The following ANKRD28 variants were observed in gnomAD, a reference collection of about 807,000 sequenced individuals.
ANKRD28 encodes the protein ankyrin repeat domain 28.
ANKRD28 carries 44 observed loss-of-function variants against 126.5 expected under a neutral mutation model. The observed-to-expected ratio is 0.35, with a 90% CI of 0.27 to 0.45. The LOEUF is 0.45. ANKRD28 is among the 20% of genes least tolerant of loss of function. ANKRD28 has a pLI of 1.00. For synonymous variants in ANKRD28, 442 were observed against 468.5 expected (o/e 0.94, Z 0.73); for missense variants, 1,110 against 1,316.6 (o/e 0.84, Z 2.43).
Position 15,721,139 on chromosome 3 carries a change from G to GA in ANKRD28, c.784-13dup, listed in dbSNP as rs749467646. On this transcript the variant is annotated splice_polypyrimidine_tract_variant and intron_variant, in intron 7 of 27. Coordinates refer to ENST00000683139, the MANE Select transcript of ANKRD28 (RefSeq NM_001349278.2). Reference sequence around the variant, plus strand: ...TTTGGTTCATTCATCTATTAGAAGGGAAAAAAATGCGAATGTTAAAGTAGT... The same window carrying GA: ...TTTGGTTCATTCATCTATTAGAAGGGAAAAAAAATGCGAATGTTAAAGTAGT... 7 of 1,591,106 alleles carry GA rather than the reference G, an allele frequency of 4.4e-6. No individual in the cohort carries two copies. Among genetic ancestry groups the GA allele is most frequent in the Non-Finnish European group, 6.0e-6 (7 of 1,169,476 alleles).
intron 1 of ANKRD28, among the ~76,000 whole-genome samples, chr3:15,821,491 GCTCA>G (rs2060940798): frequency 1.3e-5 from 2 of 152,140 alleles, no homozygotes; most frequent in South Asian, 2.1e-4. Flanking sequence ...CTTATATTCA[GCTCA>G]CTCAAAAAAG....
rs2068086190 is a variant in ANKRD28 at position 15,686,040 on chromosome 3, C to A, written c.2131G>T (p.Ala711Ser). The A allele has an allele frequency of 1.9e-6, 3 of 1,613,720 alleles. No homozygotes were observed. The highest frequency in any genetic ancestry group is 2.5e-6 in the Non-Finnish European group (3 of 1,179,796). Residue 711 changes from alanine (A) to serine (S), a missense_variant, in exon 20 of 28, where the codon GCC becomes TCC. Ala to Ser is a moderately conservative substitution (Grantham distance 99, BLOSUM62 1). Transcript: ENST00000683139. ...SLLNKGANVD[A>S]KDKWGRTALH... Reference sequence around the variant, plus strand: ...GCTGTCCTTCCCCACTTATCTTTGGCATCTACATTTGCTCCTTTGTTCAGC... The same window carrying A: ...GCTGTCCTTCCCCACTTATCTTTGGAATCTACATTTGCTCCTTTGTTCAGC...
chr3:15,720,418 A>C (rs2073588157), intron 8 of ANKRD28, among the ~76,000 whole-genome samples: 2 of 152,206 alleles, frequency 1.3e-5, no homozygotes, highest in Non-Finnish European at 2.9e-5. Flanking sequence ...GATGCTTTTT[A>C]AAATTAGATA....
At chr3:15,677,179 C>T (rs2067025608) in intron 25 of ANKRD28, 123 bp from the exon 26 acceptor site, 1 of 772,428 alleles carries the variant, frequency 1.3e-6, no homozygotes, top group Non-Finnish European at 2.1e-6. Flanking sequence ...CATGAATTTT[C>T]CTGGCTAATA....
chr3:15,784,678 T>C (rs2059692640), intron 2 of ANKRD28, among the ~76,000 whole-genome samples: 1 of 152,018 alleles, frequency 6.6e-6, no homozygotes, highest in African/African-American at 2.4e-5. Flanking sequence ...ACTCTGAATG[T>C]CAATGGTCTA....
intron 8 of ANKRD28, among the ~76,000 whole-genome samples, chr3:15,719,258 G>A (rs2073428489): frequency 6.6e-6 from 1 of 152,086 alleles, no homozygotes; most frequent in African/African-American, 2.4e-5. Flanking sequence ...TTGACCCGTG[G>A]CATCATTAAA....
Position 15,838,691 on chromosome 3 carries a change from T to C in ANKRD28, c.27+20686A>G, listed in dbSNP as rs1456677380. 6.6e-6 allele frequency among the ~76,000 whole-genome samples: 1 copy of C among 150,678 alleles called. No individual in the cohort carries two copies. Among genetic ancestry groups the C allele is most frequent in the Non-Finnish European group, 1.5e-5 (1 of 67,908 alleles). On this transcript the variant is annotated intron_variant, in intron 1 of 27. Coordinates refer to the ANKRD28 transcript ENST00000399451. The surrounding 1 kb of genome is among the most constrained non-coding windows in gnomAD (Gnocchi z 4.0). ...TGAACCCAGGAGGTAGAGGTTGCAG[T>C]GAGCCGGGACCACGCCACTGCACTC...
chr3:15,785,400 C>T (rs1295110122), intron 2 of ANKRD28, among the ~76,000 whole-genome samples: 1 of 151,872 alleles, frequency 6.6e-6, no homozygotes, highest in Non-Finnish European at 1.5e-5. Flanking sequence ...AAAAACGGAC[C>T]AAGGACTTTA....
intron 14 of ANKRD28, among the ~76,000 whole-genome samples, chr3:15,704,381 C>T (rs1013168736): frequency 6.6e-6 from 1 of 152,060 alleles, no homozygotes; most frequent in African/African-American, 2.4e-5. Flanking sequence ...ATTATAATTA[C>T]TGTATGTTGG....
In ANKRD28 at chr3:15,670,447, T is replaced by C. The variant is rs1363374975; in HGVS notation, c.3075A>G (p.Leu1025=). ...PVSSSSPLSS[L]TFNAINRYTN... ...TATAACGGTTAATGGCATTGAATGT[T>C]AAGGATGATAAAGGACTACTTGATG... Residue 1025 remains leucine, a synonymous_variant, in exon 28 of 28, where the codon TTA becomes TTG. Transcript: ENST00000683139. 1 of 1,614,000 alleles carries C rather than the reference T, an allele frequency of 6.2e-7. No individual in the cohort carries two copies. Among genetic ancestry groups the C allele is most frequent in the Non-Finnish European group, 8.5e-7 (1 of 1,179,870 alleles).
chr3:15,697,277 C>T (rs1476065130), intron 14 of ANKRD28: 2 of 153,106 alleles, frequency 1.3e-5, no homozygotes, highest in African/African-American at 4.8e-5. Context: ...ACTTTGGGGA[C>T]TCAGGGGGAA....
intron 17 of ANKRD28, among the ~76,000 whole-genome samples, chr3:15,691,547 T>G (rs1211657795): frequency 1.3e-5 from 2 of 152,134 alleles, no homozygotes; most frequent in African/African-American, 4.8e-5. Context: ...CATAAAGAAA[T>G]AAATAAACTT....
intron 2 of ANKRD28, among the ~76,000 whole-genome samples, chr3:15,767,595 C>T (rs1053766228): frequency 6.6e-6 from 1 of 151,006 alleles, no homozygotes; most frequent in Non-Finnish European, 1.5e-5. Flanking sequence ...GGCACAGTGG[C>T]TCACGCCTGT....
chr3:15,772,978 T>C (rs1441562735), intron 2 of ANKRD28, among the ~76,000 whole-genome samples: 1 of 152,098 alleles, frequency 6.6e-6, no homozygotes, highest in South Asian at 2.1e-4. Flanking sequence ...TTTTCTGAGA[T>C]AGGAATGAGG....
At chr3:15,753,634 T>C (rs986866777) in intron 3 of ANKRD28, among the ~76,000 whole-genome samples, 1 of 152,116 alleles carries the variant, frequency 6.6e-6, no homozygotes. Context: ...AGAAGTCTGA[T>C]TCAAAGTATT....
At chr3:15,685,781 A>G (rs2068044298) in intron 20 of ANKRD28, among the ~76,000 whole-genome samples, 1 of 152,228 alleles carries the variant, frequency 6.6e-6, no homozygotes, top group Non-Finnish European at 1.5e-5. Context: ...ATTCTACTAA[A>G]AGTTTTAGAG....
intron 6 of ANKRD28, among the ~76,000 whole-genome samples, chr3:15,727,010 G>A (rs751172757): frequency 3.3e-5 from 5 of 151,674 alleles, no homozygotes; most frequent in Non-Finnish European, 7.4e-5. Flanking sequence ...GAGACATACT[G>A]CTCAGAAAAA....
At chr3:15,793,373 T>C (rs1249841245) in intron 2 of ANKRD28, among the ~76,000 whole-genome samples, 1 of 152,188 alleles carries the variant, frequency 6.6e-6, no homozygotes. Flanking sequence ...ATCATAAAAG[T>C]TGTTGTCAAA....
rs2060223566 is a variant in ANKRD28, at chr3:15,795,253, T to G, written c.171A>C (p.Leu57=). Residue 57 remains leucine, a synonymous_variant, in exon 2 of 28, where the codon CTA becomes CTC. Coordinates refer to ENST00000683139, the MANE Select transcript of ANKRD28 (RefSeq NM_001349278.2). The stretch of plus-strand genomic sequence containing the variant: ...AGTTAACATCTTCTTTCTTAAATAT[T>G]AGTGCTCGAACTTCATCAGGATCTC... ...FNGDPDEVRA[L]IFKKEDVNFQ... is the part of the protein sequence containing the mutation. The G allele has an allele frequency of 1.9e-6, 3 of 1,612,638 alleles. No homozygotes were observed. The East Asian group carries it at 6.7e-5, about 36-fold the overall frequency.
Sources: allele counts gnomAD v4.1 joint callset (sites outside exome capture counted in the v4.1 genomes callset), GRCh38; gene constraint gnomAD v4.1.1; non-coding constraint Gnocchi (gnomAD v3.1); transcripts MANE v1.5; gene names NCBI Gene and HGNC (gene_info 2026-07-23, HGNC 2026-07-21).